EXD3: variants seen among roughly 807,000 people sequenced by gnomAD.
EXD3 encodes the protein exonuclease mut-7 homolog.
Under a neutral mutation model 98.0 loss-of-function variants are expected in EXD3, and 92 were observed. The ratio of observed to expected loss-of-function variants is 0.94; its 90% CI spans 0.79 to 1.12. EXD3 has a LOEUF of 1.12. Among genes scored for constraint, EXD3 ranks in the 50% most tolerant of loss-of-function variants. The pLI is 0.00. For synonymous variants in EXD3, 569 were observed against 526.0 expected, an observed-to-expected ratio of 1.08 and a Z score of -1.12; for missense variants, 1,222 against 1,191.6, an observed-to-expected ratio of 1.03 and a Z score of -0.38.
In EXD3 at chr9:137,331,780, G is replaced by A. The variant is rs1833074119; in HGVS notation, c.1999-7637C>T. Among the ~76,000 whole-genome samples, 3 of 152,114 alleles carry A rather than the reference G, an allele frequency of 2.0e-5. No homozygotes were observed. The South Asian group carries it at 6.2e-4, about 32-fold the overall frequency. The stretch of plus-strand genomic sequence containing the variant: ...AAAATACAAAAATTAGCGAGGTGTG[G>A]TGGTGCACGCCTGTAGTCCCAGCTA... On this transcript the variant is annotated intron_variant, in intron 17 of 21. Coordinates refer to ENST00000340951, the MANE Select transcript of EXD3 (RefSeq NM_017820.5).
intron 7 of EXD3, among the ~76,000 whole-genome samples, chr9:137,363,717 T>TA (rs1835096677): frequency 6.6e-6 from 1 of 152,172 alleles, no homozygotes; most frequent in African/African-American, 2.4e-5. Context: ...TTCTCTGTGA[T>TA]AAAGCTTTAA....
intron 4 of EXD3, among the ~76,000 whole-genome samples, 168 bp downstream of exon 4, chr9:137,373,258 A>G (rs925342966): frequency 6.6e-6 from 1 of 152,184 alleles, no homozygotes; most frequent in Non-Finnish European, 1.5e-5. Flanking sequence ...GTCAGGGGGC[A>G]GAGGGTGAAG....
intron 6 of EXD3, 143 bp downstream of exon 6, chr9:137,367,793 T>C: frequency 1.4e-6 from 1 of 739,154 alleles, no homozygotes; most frequent in African/African-American, 1.7e-5. Context: ...TAGGGGGCTC[T>C]GGAGGCCCTC....
chr9:137,349,342 G>A lies in EXD3; in HGVS notation c.1657+27C>T. The stretch of plus-strand genomic sequence containing the variant: ...GAGGGCGGGAGGGGCGTGAGGAGGG[G>A]TCACTCCCACCCGCCGCACCGCACA... On this transcript the variant is annotated intron_variant, in intron 15 of 21. Coordinates refer to ENST00000340951, the MANE Select transcript of EXD3 (RefSeq NM_017820.5). The surrounding 1 kb of genome is among the most constrained non-coding windows in gnomAD (Gnocchi z 7.4). 1.3e-6 allele frequency: 2 copies of A among 1,556,388 alleles called. No homozygotes were observed. Among genetic ancestry groups the A allele is most frequent in the Non-Finnish European group, 8.6e-7 (1 of 1,156,174 alleles).
chr9:137,340,604 T>C, intron 17 of EXD3, among the ~76,000 whole-genome samples: 1 of 152,224 alleles, frequency 6.6e-6, no homozygotes, highest in Admixed American at 6.5e-5. Context: ...TGGCTCACTG[T>C]GTAGCCTCGA....
At position 137,385,077 on chromosome 9, in the gene EXD3, G is replaced by C. The variant is rs758942483; in HGVS notation, c.56-1700C>G. Among the ~76,000 whole-genome samples, 5 of 152,190 alleles carry C rather than the reference G, an allele frequency of 3.3e-5. No homozygotes were observed. Among genetic ancestry groups the C allele is most frequent in the Non-Finnish European group, 4.4e-5 (3 of 68,044 alleles). ...ACTGCACTCCAGCCTGGGCAACAGAGCGAGACTCCGTCTCAGACAAAAACC... is the reference window on the plus strand; with the variant it reads ...ACTGCACTCCAGCCTGGGCAACAGACCGAGACTCCGTCTCAGACAAAAACC... On this transcript the variant is annotated intron_variant, in intron 2 of 21. Transcript: ENST00000340951. The surrounding 1 kb of genome is among the most constrained non-coding windows in gnomAD (Gnocchi z 4.4).
intron 3 of EXD3, among the ~76,000 whole-genome samples, chr9:137,382,874 C>T (rs1836388854): frequency 2.0e-5 from 3 of 152,200 alleles, no homozygotes; most frequent in Admixed American, 2.0e-4. Flanking sequence ...TGTAGCCTCT[C>T]CCCTGGCCTC....
chr9:137,314,637 CA>C (rs1425898414), intron 19 of EXD3, among the ~76,000 whole-genome samples: 1 of 152,018 alleles, frequency 6.6e-6, no homozygotes, highest in Non-Finnish European at 1.5e-5. Flanking sequence ...CCCGGAAGGG[CA>C]GTTCCCACGA....
At chr9:137,389,465 C>T (rs907670790) in intron 2 of EXD3, among the ~76,000 whole-genome samples, 1 of 152,160 alleles carries the variant, frequency 6.6e-6, no homozygotes, top group South Asian at 2.1e-4. Context: ...GGAGACAGAA[C>T]CTGACCCAGC....
At position 137,306,951 on chromosome 9, in the gene EXD3, C is replaced by T; in HGVS notation, c.2630G>A (p.Ter877=). ...PAPSPASSPF[*] ...TCCATGTTTATTGTCTGGCTGTCCT[C>T]AGAAGGGACTGCTGGCCGGGCTGGG... Residue 877 remains the stop codon, a stop_retained_variant, in exon 22 of 22, where the codon TGA becomes TAA. Coordinates refer to ENST00000340951, the MANE Select transcript of EXD3 (RefSeq NM_017820.5). 2 of 1,571,324 alleles carry T rather than the reference C, an allele frequency of 1.3e-6. No individual in the cohort carries two copies.
chr9:137,373,581 GC>G lies in EXD3; in HGVS notation c.138del (p.Trp46CysfsTer56). 1 of 1,602,084 alleles carries G rather than the reference GC, an allele frequency of 6.2e-7. No homozygotes were observed. Among genetic ancestry groups the G allele is most frequent in the South Asian group, 1.1e-5 (1 of 89,096 alleles). On this transcript the variant is annotated frameshift_variant, in exon 4 of 22. Coordinates refer to ENST00000340951, the MANE Select transcript of EXD3 (RefSeq NM_017820.5). LOFTEE classifies it high-confidence loss of function. ...RERKQLREEA[W>X]RGFAALDDPL... ...GGGTCGTCCAAGGCAGCAAACCCCC[GC>G]CAGGCTTCCTCCCGGAGCTGTGGAG...
chr9:137,308,092 G>A (rs924151547), intron 20 of EXD3, among the ~76,000 whole-genome samples: 3 of 152,090 alleles, frequency 2.0e-5, no homozygotes, highest in Non-Finnish European at 4.4e-5. Flanking sequence ...GAGACCCTGG[G>A]AAGTGGCTCG....
chr9:137,379,162 C>T (rs55974986), intron 3 of EXD3, among the ~76,000 whole-genome samples: 4 of 19,556 alleles, frequency 2.0e-4, no homozygotes, highest in African/African-American at 3.3e-4. Flanking sequence ...TGACGGTGAC[C>T]GTTGCCTGGG....
chr9:137,414,729 T>C (rs748326405), intron 1 of EXD3, among the ~76,000 whole-genome samples: 3 of 152,116 alleles, frequency 2.0e-5, no homozygotes, highest in Non-Finnish European at 4.4e-5. Flanking sequence ...TTTCCAGGGA[T>C]ATTGCACAGG....
In EXD3 at chr9:137,393,304, C is replaced by T. The variant is rs116570331; in HGVS notation, c.55+1999G>A. The stretch of plus-strand genomic sequence containing the variant: ...CCCATGCGCTCCCCGGCCCTGACGG[C>T]GGTCTCCAGGGGAGGTAACAGGGCC... On this transcript the variant is annotated intron_variant, in intron 2 of 21. Transcript: ENST00000340951. The surrounding 1 kb of genome is among the most constrained non-coding windows in gnomAD (Gnocchi z 4.6). 5.1e-3 allele frequency: 3,553 copies of T among 697,068 alleles called. 82 individuals carry two copies. The African/African-American group carries it at 0.053, about 10-fold the overall frequency. 43.2% of individuals were successfully genotyped at this position (697,068 alleles called of 1,614,324 possible). A position where few individuals can be genotyped will look rare whatever the true frequency, so the allele number is the denominator to read the frequency against.
Position 137,349,354 on chromosome 9 carries a change from C to T in EXD3, c.1657+15G>A, listed in dbSNP as rs771958749. ...GGCGTGAGGAGGGGTCACTCCCACCCGCCGCACCGCACACCTGCGTAGATG... is the reference window on the plus strand; with the variant it reads ...GGCGTGAGGAGGGGTCACTCCCACCTGCCGCACCGCACACCTGCGTAGATG... On this transcript the variant is annotated intron_variant, in intron 15 of 21. Transcript: ENST00000340951. The surrounding 1 kb of genome is among the most constrained non-coding windows in gnomAD (Gnocchi z 7.4). 2.2e-5 allele frequency: 35 copies of T among 1,567,694 alleles called. No individual in the cohort carries two copies. The Admixed American group carries it at 3.0e-4, about 14-fold the overall frequency.
rs1834152409 is a variant in EXD3 at position 137,349,654 on chromosome 9, C to G, written c.1495-123G>C. On this transcript the variant is annotated intron_variant, in intron 14 of 21. Transcript: ENST00000340951. The surrounding 1 kb of genome is among the most constrained non-coding windows in gnomAD (Gnocchi z 7.4). Reference sequence around the variant, plus strand: ...GCCCCGCCCCCTCCACCAGCGGCCCCCACAGCAGAGACGGGGAGAAGGAGC... The same window carrying G: ...GCCCCGCCCCCTCCACCAGCGGCCCGCACAGCAGAGACGGGGAGAAGGAGC... 9.4e-7 allele frequency: 1 copy of G among 1,058,536 alleles called. No homozygotes were observed. Among genetic ancestry groups the G allele is most frequent in the Admixed American group, 3.3e-5 (1 of 30,332 alleles). The allele number at this position is 1,058,536 out of a possible 1,614,324, so 65.6% of individuals were successfully genotyped here.
chr9:137,359,891 C>T lies in EXD3; in HGVS notation c.657-3523G>A, dbSNP rs1429843157. ...TGCGATCTTTTGTGGATAATGAGCT[C>T]ATTTCTCTCGGGCATATGCTAAGTG... On this transcript the variant is annotated intron_variant, in intron 7 of 21. Coordinates refer to ENST00000340951, the MANE Select transcript of EXD3 (RefSeq NM_017820.5). 5.8e-5 allele frequency among the ~76,000 whole-genome samples: 5 copies of T among 86,128 alleles called. 1 individual carries two copies. Among genetic ancestry groups the T allele is most frequent in the African/African-American group, 1.6e-4 (5 of 31,060 alleles). 56.5% of individuals were successfully genotyped at this position (86,128 alleles called of 152,430 possible). A position where few individuals can be genotyped will look rare whatever the true frequency, so the allele number is the denominator to read the frequency against.
chr9:137,412,517 C>T (rs1171313410), intron 1 of EXD3, among the ~76,000 whole-genome samples: 2 of 152,212 alleles, frequency 1.3e-5, no homozygotes, highest in Non-Finnish European at 2.9e-5. Context: ...GCAAACAGCC[C>T]CGCGGCCACC....
Sources: gnomAD v4.1 joint callset for allele counts (sites outside exome capture counted in the v4.1 genomes callset) on GRCh38, gnomAD v4.1.1 for gene constraint, Gnocchi (gnomAD v3.1) non-coding constraint, MANE v1.5 for transcripts, NCBI Gene and HGNC (gene_info 2026-07-23, HGNC 2026-07-21) for gene names.